The following NEGR1 variants were observed in gnomAD, a reference collection of about 807,000 sequenced individuals.
NEGR1 encodes the protein neuronal growth regulator 1, also known as IgLON family member 4.
NEGR1 carries 10 observed loss-of-function variants against 40.9 expected under a neutral mutation model. The ratio of observed to expected loss-of-function variants is 0.24; its 90% CI spans 0.15 to 0.42. The LOEUF (loss-of-function observed/expected upper bound fraction) is 0.42. Ranked by LOEUF, NEGR1 falls within the 10% of genes least tolerant of loss-of-function variation. The pLI, the probability that NEGR1 is intolerant of heterozygous loss-of-function variation, is 1.00. For synonymous variants in NEGR1, 185 were observed against 166.8 expected (o/e 1.11, Z -0.84); for missense variants, 352 against 438.9 (o/e 0.80, Z 1.77).
intron 2 of NEGR1, among the ~76,000 whole-genome samples, chr1:71,870,626 G>A (rs180993334): frequency 1.1e-3 from 160 of 152,248 alleles, no homozygotes; most frequent in Non-Finnish European, 1.9e-3. Context: ...ATTTGGTATT[G>A]TAATATATTA....
At chr1:72,133,891 T>C (rs913839338) in intron 1 of NEGR1, among the ~76,000 whole-genome samples, 3 of 152,014 alleles carry the variant, frequency 2.0e-5, no homozygotes, top group South Asian at 2.1e-4. Context: ...TATTCAATGT[T>C]TGCATATTTC....
chr1:71,514,135 C>G (rs1345464417), intron 6 of NEGR1, among the ~76,000 whole-genome samples: 12 of 146,176 alleles, frequency 8.2e-5, no homozygotes, highest in African/African-American at 1.5e-4. Flanking sequence ...AAGGCGGCAA[C>G]GAGGCTGGGG....
chr1:71,887,448 C>G (rs960673978), intron 2 of NEGR1, among the ~76,000 whole-genome samples: 1 of 152,150 alleles, frequency 6.6e-6, no homozygotes, highest in African/African-American at 2.4e-5. Flanking sequence ...AAGTCAGGGA[C>G]AAATATCTAG....
At chr1:71,579,537 G>C (rs1286117291) in intron 6 of NEGR1, among the ~76,000 whole-genome samples, 2 of 150,914 alleles carry the variant, frequency 1.3e-5, no homozygotes, top group African/African-American at 4.9e-5. Flanking sequence ...AGAAGAATTG[G>C]AAAACAAAAT....
intron 6 of NEGR1, among the ~76,000 whole-genome samples, chr1:71,574,295 TAA>T (rs1335431821): frequency 1.3e-5 from 2 of 152,148 alleles, no homozygotes; most frequent in African/African-American, 4.8e-5. Flanking sequence ...CTGTGAGAAA[TAA>T]AGTTTTATAT....
intron 1 of NEGR1, among the ~76,000 whole-genome samples, chr1:72,064,145 C>A (rs567320151): frequency 1.3e-5 from 2 of 151,696 alleles, no homozygotes; most frequent in South Asian, 4.2e-4. Context: ...GCTTTTAAGT[C>A]GGATGCAGAG....
At chr1:71,806,628 T>G (rs2101755475) in intron 2 of NEGR1, among the ~76,000 whole-genome samples, 1 of 152,272 alleles carries the variant, frequency 6.6e-6, no homozygotes, top group East Asian at 1.9e-4. Flanking sequence ...GAAATTATTA[T>G]TTTCCCAAAA....
chr1:71,846,020 T>A (rs2101807149), intron 2 of NEGR1, among the ~76,000 whole-genome samples: 1 of 150,054 alleles, frequency 6.7e-6, no homozygotes, highest in East Asian at 2.0e-4. Flanking sequence ...CACCACAGGC[T>A]TCCAAAGCCC....
At chr1:72,091,953 C>T (rs952367985) in intron 1 of NEGR1, among the ~76,000 whole-genome samples, 3 of 151,926 alleles carry the variant, frequency 2.0e-5, no homozygotes, top group Non-Finnish European at 4.4e-5. Flanking sequence ...GGATCAGGGC[C>T]CTATTCTTTT....
intron 3 of NEGR1, among the ~76,000 whole-genome samples, chr1:71,740,210 G>T (rs1161700154): frequency 6.6e-6 from 1 of 152,124 alleles, no homozygotes; most frequent in Admixed American, 6.6e-5. Flanking sequence ...CAGTCGAAAC[G>T]TTTTGTTCTA....
chr1:71,879,827 A>G (rs71651492), intron 2 of NEGR1, among the ~76,000 whole-genome samples: 3,146 of 152,244 alleles, frequency 0.021, 50 homozygotes, highest in Non-Finnish European at 0.032. Flanking sequence ...GAAATTCAAG[A>G]TCTATTTACA....
intron 6 of NEGR1, among the ~76,000 whole-genome samples, chr1:71,575,082 A>G (rs1381005160): frequency 6.6e-6 from 1 of 152,212 alleles, no homozygotes; most frequent in African/African-American, 2.4e-5. Context: ...TGCCTGCATT[A>G]TGCCACTTTC....
At chr1:71,953,244 T>G (rs2801333) in intron 1 of NEGR1, among the ~76,000 whole-genome samples, 27,219 of 151,902 alleles carry the variant, frequency 0.18, 3,247 homozygotes, top group African/African-American at 0.34. Context: ...GAAAGGATTC[T>G]CCATTCCAGA....
intron 1 of NEGR1, among the ~76,000 whole-genome samples, chr1:72,276,948 A>C (rs1235344826): frequency 6.6e-6 from 1 of 152,094 alleles, no homozygotes; most frequent in Non-Finnish European, 1.5e-5. Flanking sequence ...AGCCACTACT[A>C]CTCCTAGGTT....
chr1:71,711,132 T>C (rs1316281040), intron 3 of NEGR1, among the ~76,000 whole-genome samples: 2 of 150,494 alleles, frequency 1.3e-5, no homozygotes, highest in Non-Finnish European at 3.0e-5. Context: ...GGTCAGGAGA[T>C]AGAGACCATC....
intron 1 of NEGR1, among the ~76,000 whole-genome samples, chr1:72,206,487 T>C (rs186144523): frequency 1.3e-5 from 2 of 152,258 alleles, no homozygotes; most frequent in African/African-American, 4.8e-5. Flanking sequence ...ACTTGCTATT[T>C]TTCTACATTT....
intron 2 of NEGR1, among the ~76,000 whole-genome samples, chr1:71,895,957 T>C (rs1321783648): frequency 6.6e-6 from 1 of 152,122 alleles, no homozygotes; most frequent in Non-Finnish European, 1.5e-5. Context: ...TCAACACTTA[T>C]TATTATAGCT....
At chr1:71,999,051 C>T (rs2630418) in intron 1 of NEGR1, among the ~76,000 whole-genome samples, 80,652 of 151,524 alleles carry the variant, frequency 0.53, 22,729 homozygotes, top group African/African-American at 0.71. Flanking sequence ...TTGGCTTCTA[C>T]TCCATCATCT....
intron 4 of NEGR1, among the ~76,000 whole-genome samples, chr1:71,648,161 A>G (rs1043653509): frequency 2.0e-5 from 3 of 152,024 alleles, no homozygotes; most frequent in African/African-American, 7.2e-5. Context: ...TATCTTATAA[A>G]TCATCTTGGC....
Sources: gnomAD v4.1 joint callset for allele counts (sites outside exome capture counted in the v4.1 genomes callset) on GRCh38, gnomAD v4.1.1 for gene constraint, MANE v1.5 for transcripts, NCBI Gene and HGNC (gene_info 2026-07-23, HGNC 2026-07-21) for gene names.